Variants in CPAP observed in about 807,000 individuals in gnomAD.
CPAP encodes the protein centrosomal P4.1-associated protein.
chr13:24,906,055 C>G, the CPAP span: 1 of 1,613,908 alleles, frequency 6.2e-7, no homozygotes, highest in Non-Finnish European at 8.5e-7. Flanking sequence ...CAGCTGAGGA[C>G]AATGAATGAA....
At chr13:24,914,724 C>T in the CPAP span, among the ~76,000 whole-genome samples, 15 of 152,128 alleles carry the variant, frequency 9.9e-5, no homozygotes, top group Non-Finnish European at 2.1e-4. Context: ...TGCTGTAAGC[C>T]GTGATTGTGT....
chr13:24,912,561 G>A, the CPAP span: 4 of 1,590,922 alleles, frequency 2.5e-6, no homozygotes, highest in Non-Finnish European at 2.6e-6. Flanking sequence ...TAAATTCACA[G>A]TAGGCCAAAT....
chr13:24,895,016 C>T, the CPAP span, among the ~76,000 whole-genome samples: 6,116 of 152,294 alleles, frequency 0.04, 198 homozygotes, highest in Admixed American at 0.081. Flanking sequence ...CAGCGCAGCG[C>T]GAAAGCTCAG....
At chr13:24,893,015 G>T in the CPAP span, 1 of 680,414 alleles carries the variant, frequency 1.5e-6, no homozygotes, top group Non-Finnish European at 2.5e-6. Context: ...CGAATGTCGT[G>T]GTTTTCAGCG....
At chr13:24,889,131 C>CATT in the CPAP span, 1 of 610,330 alleles carries the variant, frequency 1.6e-6, no homozygotes, top group South Asian at 2.0e-5. Flanking sequence ...AAGCATGGAC[C>CATT]ATTATCAGGG....
the CPAP span, chr13:24,910,165 C>G: frequency 7.9e-7 from 1 of 1,263,090 alleles, no homozygotes; most frequent in Non-Finnish European, 1.1e-6. Context: ...ACCCCCACCC[C>G]ACAAAGACTT....
chr13:24,884,342 A>G, the CPAP span: 2 of 1,614,146 alleles, frequency 1.2e-6, no homozygotes, highest in Non-Finnish European at 1.7e-6. Flanking sequence ...GTCTGGCATG[A>G]CCTGCTTCAC....
the CPAP span, among the ~76,000 whole-genome samples, chr13:24,919,963 G>C: frequency 1.9e-3 from 285 of 151,550 alleles, 1 homozygote; most frequent in African/African-American, 6.6e-3. Context: ...GTAGAAACAG[G>C]GTGTCCCTAT....
chr13:24,932,489 C>T, the CPAP span, among the ~76,000 whole-genome samples: 3 of 152,140 alleles, frequency 2.0e-5, no homozygotes, highest in Non-Finnish European at 1.5e-5. Context: ...CCCAAAAACA[C>T]CCAAATGCAG....
the CPAP span, among the ~76,000 whole-genome samples, chr13:24,923,296 G>A: frequency 2.6e-5 from 4 of 151,546 alleles, no homozygotes; most frequent in Admixed American, 2.6e-4. Flanking sequence ...TTTTGGTTTG[G>A]TTTGGTTTTT....
the CPAP span, among the ~76,000 whole-genome samples, chr13:24,889,554 G>C: frequency 6.6e-6 from 1 of 152,130 alleles, no homozygotes; most frequent in Admixed American, 6.5e-5. Context: ...CAAACAAGCT[G>C]TTATCTAGGA....
chr13:24,913,767 A>G, the CPAP span, among the ~76,000 whole-genome samples: 1 of 152,348 alleles, frequency 6.6e-6, no homozygotes, highest in Admixed American at 6.5e-5. Flanking sequence ...CAGGTAGGAG[A>G]AATGTAATTC....
chr13:24,919,789 G>T, the CPAP span, among the ~76,000 whole-genome samples: 1 of 150,514 alleles, frequency 6.6e-6, no homozygotes, highest in South Asian at 2.1e-4. Context: ...TCTGAGACAG[G>T]GTCTCACAAT....
the CPAP span, among the ~76,000 whole-genome samples, chr13:24,894,487 C>T: frequency 6.6e-6 from 1 of 152,184 alleles, no homozygotes; most frequent in Non-Finnish European, 1.5e-5. Context: ...TCCACAGGGG[C>T]CGTGTCAGTG....
chr13:24,927,855 G>C, the CPAP span, among the ~76,000 whole-genome samples: 1 of 152,174 alleles, frequency 6.6e-6, no homozygotes, highest in Admixed American at 6.5e-5. Context: ...CAGTTAACAG[G>C]CTTAATCATA....
chr13:24,883,389 T>C, the CPAP span: 1 of 1,536,584 alleles, frequency 6.5e-7, no homozygotes, highest in Non-Finnish European at 8.8e-7. Flanking sequence ...TTAAAAAAAA[T>C]ATGATTTCTT....
chr13:24,918,690 G>A, the CPAP span, among the ~76,000 whole-genome samples: 609 of 152,280 alleles, frequency 4.0e-3, 4 homozygotes, highest in Admixed American at 0.016. Context: ...TATGTTTTGT[G>A]TCTAAAAAAC....
chr13:24,904,863 C>T, the CPAP span, among the ~76,000 whole-genome samples: 1 of 152,016 alleles, frequency 6.6e-6, no homozygotes, highest in East Asian at 1.9e-4. Context: ...TTAAAAAGTC[C>T]GTTACATCAA....
the CPAP span, among the ~76,000 whole-genome samples, chr13:24,908,593 AAAAAT>A: frequency 2.6e-5 from 2 of 77,936 alleles, no homozygotes; most frequent in Non-Finnish European, 5.3e-5. Context: ...ACCCTGTCTC[AAAAAT>A]AAAATAAAAT....
Sources: allele counts gnomAD v4.1 joint callset (sites outside exome capture counted in the v4.1 genomes callset), GRCh38; gene constraint gnomAD v4.1.1; transcripts MANE v1.5; gene names NCBI Gene and HGNC (gene_info 2026-07-23, HGNC 2026-07-21).